The following MCUR1 variants were observed in gnomAD, a reference collection of about 807,000 sequenced individuals.
MCUR1 encodes mitochondrial calcium uniporter regulator 1, also known as MCU regulator 1.
A neutral mutation model predicts 42.0 loss-of-function variants in MCUR1; 37 were observed. The observed-to-expected ratio is 0.88, with a 90% CI of 0.68 to 1.16. The LOEUF (loss-of-function observed/expected upper bound fraction) is 1.16. MCUR1 is among the 50% of genes most tolerant of loss of function. The pLI is 0.00. For missense variants in MCUR1, 469 were observed against 468.4 expected (o/e 1.00, Z -0.01); for synonymous variants, 229 against 196.2 (o/e 1.17, Z -1.40).
chr6:13,796,013 T>G (rs1480585733), intron 6 of MCUR1, among the ~76,000 whole-genome samples: 1 of 152,222 alleles, frequency 6.6e-6, no homozygotes, highest in East Asian at 1.9e-4. Flanking sequence ...AGGATTTAAT[T>G]GAAACTCTGT....
At chr6:13,807,527 A>G (rs549280550) in intron 1 of MCUR1, among the ~76,000 whole-genome samples, 1 of 152,316 alleles carries the variant, frequency 6.6e-6, no homozygotes, top group Non-Finnish European at 1.5e-5. Flanking sequence ...CCTCCATTGT[A>G]TAGCTACAGT....
intron 4 of MCUR1, among the ~76,000 whole-genome samples, 199 bp from the exon 5 acceptor site, chr6:13,800,581 T>G (rs530012284): frequency 6.6e-6 from 1 of 152,366 alleles, no homozygotes; most frequent in Non-Finnish European, 1.5e-5. Flanking sequence ...TAAAGTTAAC[T>G]CAGTTGTGTT....
Position 13,790,609 on chromosome 6 carries a change from G to C in MCUR1, c.*200C>G. 2.9e-6 allele frequency: 1 copy of C among 342,326 alleles called. No individual in the cohort carries two copies. Among genetic ancestry groups the C allele is most frequent in the South Asian group, 2.8e-5 (1 of 35,260 alleles). The allele number at this position is 342,326 out of a possible 1,614,324, so 21.2% of individuals were successfully genotyped here. On this transcript the variant is annotated 3_prime_UTR_variant, in exon 9 of 9. Transcript: ENST00000379170. Reference sequence around the variant, plus strand: ...TGGGACTACAGGCGCCCGCCACCACGCCCGCCTAATGTTTTAATTTTTTAG... The same window carrying C: ...TGGGACTACAGGCGCCCGCCACCACCCCCGCCTAATGTTTTAATTTTTTAG...
chr6:13,813,375 C>T (rs1278390566), intron 1 of MCUR1, among the ~76,000 whole-genome samples: 1 of 152,066 alleles, frequency 6.6e-6, no homozygotes, highest in African/African-American at 2.4e-5. Flanking sequence ...CTATACCAGG[C>T]ATCGAATTAC....
chr6:13,800,995 A>G (rs114819303), intron 4 of MCUR1, among the ~76,000 whole-genome samples: 363 of 152,352 alleles, frequency 2.4e-3, no homozygotes, highest in African/African-American at 8.2e-3. Context: ...GAAAAAAATG[A>G]TCTCTTGCTA....
At chr6:13,797,358 C>T (rs1759877926) in intron 6 of MCUR1, among the ~76,000 whole-genome samples, 2 of 152,164 alleles carry the variant, frequency 1.3e-5, no homozygotes, top group Non-Finnish European at 1.5e-5. Context: ...AAGAAGACGG[C>T]TGAATATTCA....
intron 6 of MCUR1, among the ~76,000 whole-genome samples, chr6:13,796,759 T>A (rs771767890): frequency 6.6e-6 from 1 of 152,210 alleles, no homozygotes; most frequent in African/African-American, 2.4e-5. Context: ...TGACTCCATA[T>A]AAAATTTTAA....
In MCUR1 at chr6:13,788,206, T is replaced by C. The variant is rs970947184; in HGVS notation, c.*2603A>G. 2.0e-5 allele frequency: 3 copies of C among 152,228 alleles called. No homozygotes were observed. The highest frequency in any genetic ancestry group is 7.2e-5 in the African/African-American group (3 of 41,452). The allele number at this position is 152,228 out of a possible 1,614,324, so 9.4% of individuals were successfully genotyped here. A position where few individuals can be genotyped will look rare whatever the true frequency, so the allele number is the denominator to read the frequency against. On this transcript the variant is annotated 3_prime_UTR_variant, in exon 9 of 9. Coordinates refer to ENST00000379170, the MANE Select transcript of MCUR1 (RefSeq NM_001031713.4). ...CATCAGTAAGTTTTAATATTACGTC[T>C]AGTCGGCTCACGGGTGCTTGAGCCA...
chr6:13,810,898 GACCTGGCATAC>G (rs1760218799), intron 1 of MCUR1, among the ~76,000 whole-genome samples: 1 of 152,216 alleles, frequency 6.6e-6, no homozygotes, highest in South Asian at 2.1e-4. Flanking sequence ...GGAGGTCCTT[GACCTGGCATAC>G]AAAGCCCTTG....
chr6:13,809,374 GAT>G (rs1760181304), intron 1 of MCUR1, among the ~76,000 whole-genome samples: 1 of 152,138 alleles, frequency 6.6e-6, no homozygotes, highest in African/African-American at 2.4e-5. Flanking sequence ...AATCATAAGA[GAT>G]ATCGGTCAAT....
intron 6 of MCUR1, among the ~76,000 whole-genome samples, chr6:13,794,407 T>A (rs571547997): frequency 1.3e-5 from 2 of 152,310 alleles, no homozygotes; most frequent in African/African-American, 4.8e-5. Flanking sequence ...CTGAGTCATA[T>A]GGTTTTTGGT....
At chr6:13,807,214 T>C (rs919212265) in intron 1 of MCUR1, among the ~76,000 whole-genome samples, 170 bp from the exon 2 acceptor site, 1 of 152,230 alleles carries the variant, frequency 6.6e-6, no homozygotes, top group African/African-American at 2.4e-5. Context: ...GGTTTTGGCA[T>C]AGAGTTGTGC....
chr6:13,803,950 A>AGT, intron 2 of MCUR1: 1 of 936,874 alleles, frequency 1.1e-6, no homozygotes, highest in Non-Finnish European at 1.3e-6. Flanking sequence ...TGGGCAACAT[A>AGT]GTGATCCCAT....
rs972915266 is a variant in MCUR1, at chr6:13,788,737, T to C, written c.*2072A>G. 2 of 152,212 alleles carry C rather than the reference T, an allele frequency of 1.3e-5. No individual in the cohort carries two copies. The highest frequency in any genetic ancestry group is 4.8e-5 in the African/African-American group (2 of 41,442). 9.4% of individuals were successfully genotyped at this position (152,212 alleles called of 1,614,324 possible). ...GGGGATGATATATTGATAAAATATT[T>C]TATTAATCAGTTAAGAATTTTTGAT... On this transcript the variant is annotated 3_prime_UTR_variant, in exon 9 of 9. Coordinates refer to ENST00000379170, the MANE Select transcript of MCUR1 (RefSeq NM_001031713.4).
At chr6:13,799,700 G>C (rs1440905786) in intron 5 of MCUR1, among the ~76,000 whole-genome samples, 5 of 151,946 alleles carry the variant, frequency 3.3e-5, no homozygotes, top group Non-Finnish European at 5.9e-5. Context: ...AGCTGGCACA[G>C]TAAGCATTTA....
chr6:13,811,345 T>A (rs1321326037), intron 1 of MCUR1, among the ~76,000 whole-genome samples: 1 of 152,216 alleles, frequency 6.6e-6, no homozygotes, highest in Non-Finnish European at 1.5e-5. Context: ...GGAATAATTT[T>A]TTTTTTTTGG....
At chr6:13,803,280 C>A (rs1477451402) in intron 2 of MCUR1, among the ~76,000 whole-genome samples, 5 of 152,192 alleles carry the variant, frequency 3.3e-5, no homozygotes, top group African/African-American at 4.8e-5. Flanking sequence ...AGGCTGTTCT[C>A]GAACTCCCGA....
chr6:13,795,218 C>CAAT, intron 6 of MCUR1, among the ~76,000 whole-genome samples: 1 of 152,002 alleles, frequency 6.6e-6, no homozygotes, highest in African/African-American at 2.4e-5. Flanking sequence ...AAACCAAGAA[C>CAAT]AATGCTCTTT....
intron 1 of MCUR1, 135 bp from the exon 2 acceptor site, chr6:13,807,179 C>T: frequency 2.1e-6 from 2 of 932,738 alleles, no homozygotes; most frequent in Non-Finnish European, 3.0e-6. Context: ...TACAATTCAC[C>T]CAATTTCAAG....
Sources: allele counts gnomAD v4.1 joint callset (sites outside exome capture counted in the v4.1 genomes callset), GRCh38; gene constraint gnomAD v4.1.1; transcripts MANE v1.5; gene names NCBI Gene and HGNC (gene_info 2026-07-23, HGNC 2026-07-21).